The following CSMD3 variants were observed in gnomAD, a reference collection of about 807,000 sequenced individuals.
CSMD3 encodes the protein CUB and Sushi multiple domains 3.
In CSMD3, 177 loss-of-function variants were observed where a neutral mutation model predicts 435.2. The observed-to-expected ratio is 0.41, with a 90% CI of 0.36 to 0.46. CSMD3 has a LOEUF of 0.46. CSMD3 is among the 20% of genes least tolerant of loss of function. The pLI is 0.34. For missense variants in CSMD3, 4,265 were observed against 4,504.6 expected, an observed-to-expected ratio of 0.95 and a Z score of 1.52; for synonymous variants, 1,656 against 1,520.5, an observed-to-expected ratio of 1.09 and a Z score of -2.07.
intron 5 of CSMD3, among the ~76,000 whole-genome samples, chr8:113,090,356 T>A (rs190254680): frequency 6.6e-6 from 1 of 151,476 alleles, no homozygotes; most frequent in Non-Finnish European, 1.5e-5. Flanking sequence ...CTTATTAAGA[T>A]GAAAAAATTT....
At chr8:112,873,554 A>G (rs2081194631) in intron 10 of CSMD3, among the ~76,000 whole-genome samples, 1 of 152,062 alleles carries the variant, frequency 6.6e-6, no homozygotes, top group African/African-American at 2.4e-5. Context: ...TTATGTCAGC[A>G]ACTACATTTT....
At position 113,395,369 on chromosome 8, in the gene CSMD3, A is replaced by T. The variant is rs192153437; in HGVS notation, c.178+41308T>A. ...ACGCCTGTAATCCCAGCACTTTGGGAGGCTGAGGCGGGCGGATCATGAGGT... is the reference window on the plus strand; with the variant it reads ...ACGCCTGTAATCCCAGCACTTTGGGTGGCTGAGGCGGGCGGATCATGAGGT... On this transcript the variant is annotated intron_variant, in intron 1 of 70. Transcript: ENST00000297405. Among the ~76,000 whole-genome samples the T allele has an allele frequency of 2.6e-3, 401 of 152,208 alleles. 1 individual carries two copies. Among genetic ancestry groups the T allele is most frequent in the Non-Finnish European group, 4.6e-3 (314 of 67,994 alleles).
At chr8:112,697,684 A>G (rs1047610866) in intron 13 of CSMD3, among the ~76,000 whole-genome samples, 10 of 152,102 alleles carry the variant, frequency 6.6e-5, no homozygotes, top group Admixed American at 6.6e-4. Flanking sequence ...GCATGTATAC[A>G]TATGTAACAA....
At chr8:112,556,665 G>A in intron 25 of CSMD3, 98 bp downstream of exon 25, 1 of 906,398 alleles carries the variant, frequency 1.1e-6, no homozygotes, top group East Asian at 2.5e-5. Context: ...GATATAAAGT[G>A]TTAGTTCTAT....
chr8:112,759,283 A>G (rs2077776453), intron 13 of CSMD3, among the ~76,000 whole-genome samples: 1 of 152,104 alleles, frequency 6.6e-6, no homozygotes, highest in Non-Finnish European at 1.5e-5. Flanking sequence ...CATGCCTTTG[A>G]TGACCCATCC....
chr8:113,213,376 T>A (rs1588288044), intron 3 of CSMD3, among the ~76,000 whole-genome samples: 1 of 152,142 alleles, frequency 6.6e-6, no homozygotes, highest in Non-Finnish European at 1.5e-5. Context: ...TCAGGAATCA[T>A]GGACATATCA....
intron 9 of CSMD3, among the ~76,000 whole-genome samples, chr8:112,937,454 G>C (rs753693248): frequency 6.6e-6 from 1 of 150,928 alleles, no homozygotes; most frequent in Non-Finnish European, 1.5e-5. Context: ...GGGCTCAAGC[G>C]ATTATCCTGC....
chr8:113,335,037 G>A (rs950209127), intron 1 of CSMD3, among the ~76,000 whole-genome samples: 7 of 151,988 alleles, frequency 4.6e-5, no homozygotes, highest in Non-Finnish European at 1.0e-4. Flanking sequence ...GTTTTTCATG[G>A]TTTAACACCA....
At chr8:112,956,425 T>C in intron 7 of CSMD3, among the ~76,000 whole-genome samples, 1 of 152,122 alleles carries the variant, frequency 6.6e-6, no homozygotes, top group East Asian at 1.9e-4. Context: ...TAACAAAATC[T>C]GCATTTTGTA....
intron 32 of CSMD3, among the ~76,000 whole-genome samples, chr8:112,451,956 A>G (rs1188300915): frequency 6.6e-6 from 1 of 152,146 alleles, no homozygotes; most frequent in Admixed American, 6.5e-5. Context: ...TTAGATACTA[A>G]CGTTTCCCAT....
chr8:113,260,708 T>G (rs2093420011), intron 3 of CSMD3, among the ~76,000 whole-genome samples: 1 of 152,080 alleles, frequency 6.6e-6, no homozygotes, highest in African/African-American at 2.4e-5. Context: ...GCTGCCCCTA[T>G]CAATTCGCCA....
At chr8:112,778,788 C>G (rs1251882602) in intron 13 of CSMD3, among the ~76,000 whole-genome samples, 1 of 151,898 alleles carries the variant, frequency 6.6e-6, no homozygotes, top group Non-Finnish European at 1.5e-5. Context: ...TACCATTTTG[C>G]ATTTCCACCA....
At chr8:112,702,329 G>A (rs906486786) in intron 13 of CSMD3, among the ~76,000 whole-genome samples, 23 of 152,074 alleles carry the variant, frequency 1.5e-4, no homozygotes, top group Non-Finnish European at 2.6e-4. Context: ...AAACAGTTGT[G>A]GAATGTATAA....
intron 17 of CSMD3, among the ~76,000 whole-genome samples, chr8:112,665,269 C>G (rs908935127): frequency 6.6e-6 from 1 of 152,126 alleles, no homozygotes; most frequent in African/African-American, 2.4e-5. Flanking sequence ...TTTACTGATT[C>G]AAGGTGCTAC....
chr8:112,373,727 C>A (rs1044134962), intron 38 of CSMD3, among the ~76,000 whole-genome samples: 2 of 152,016 alleles, frequency 1.3e-5, no homozygotes, highest in African/African-American at 4.8e-5. Context: ...AGAAGCCTAC[C>A]TTTTTTGAAA....
In CSMD3 at chr8:112,686,939, A is replaced by AT. The variant is rs1360393915; in HGVS notation, c.2156-1208dup. ...CTCCTCCATTAATTTATATGGACAT[A>AT]TAAACATTAATTGAACTGTTCTTCT... is the stretch of plus-strand genomic sequence containing the variant. On this transcript the variant is annotated intron_variant, in intron 14 of 70. Transcript: ENST00000297405. Among the ~76,000 whole-genome samples, 14 of 152,260 alleles carry AT rather than the reference A, an allele frequency of 9.2e-5. No individual in the cohort carries two copies. The East Asian group carries it at 2.7e-3, about 29-fold the overall frequency.
At chr8:112,239,641 T>C (rs1813928276) in intron 66 of CSMD3, among the ~76,000 whole-genome samples, 1 of 152,104 alleles carries the variant, frequency 6.6e-6, no homozygotes, top group African/African-American at 2.4e-5. Context: ...TTTTATTAGT[T>C]CTAGTAAGAT....
intron 13 of CSMD3, among the ~76,000 whole-genome samples, chr8:112,725,673 G>A (rs1419673087): frequency 3.3e-5 from 5 of 151,728 alleles, no homozygotes; most frequent in Non-Finnish European, 7.4e-5. Flanking sequence ...TAATATCAAT[G>A]CACAGTACCT....
At chr8:113,427,652 G>A (rs1011228296) in intron 1 of CSMD3, among the ~76,000 whole-genome samples, 5 of 151,584 alleles carry the variant, frequency 3.3e-5, no homozygotes, top group South Asian at 2.1e-4. Context: ...TTTAACTAAA[G>A]GACACTTATG....
Sources: gnomAD v4.1 joint callset for allele counts (sites outside exome capture counted in the v4.1 genomes callset) on GRCh38, gnomAD v4.1.1 for gene constraint, MANE v1.5 for transcripts, NCBI Gene and HGNC (gene_info 2026-07-23, HGNC 2026-07-21) for gene names.